POGZ: variants seen among roughly 807,000 people sequenced by gnomAD.
The protein encoded by POGZ is pogo transposable element derived with ZNF domain.
Under a neutral mutation model 134.6 loss-of-function variants are expected in POGZ, and 17 were observed. That is an observed-to-expected ratio of 0.13 (90% CI 0.09 to 0.19). The LOEUF (loss-of-function observed/expected upper bound fraction) is 0.19. POGZ is among the 10% of genes least tolerant of loss of function. The probability of loss-of-function intolerance (pLI) is 1.00; values close to 1 mark genes in which losing one functional copy is unlikely to be tolerated. For missense variants in POGZ, 1,306 were observed against 1,769.7 expected, an observed-to-expected ratio of 0.74 and a Z score of 4.70; for synonymous variants, 693 against 657.1, an observed-to-expected ratio of 1.05 and a Z score of -0.84.
intron 10 of POGZ, among the ~76,000 whole-genome samples, chr1:151,412,916 G>A (rs1463888829): frequency 6.6e-6 from 1 of 151,944 alleles, no homozygotes; most frequent in Admixed American, 6.6e-5. Flanking sequence ...TGTCCATTTT[G>A]TCAAGCTTAT....
intron 8 of POGZ, among the ~76,000 whole-genome samples, chr1:151,424,748 G>T (rs772584115): frequency 6.6e-6 from 1 of 152,176 alleles, no homozygotes; most frequent in Non-Finnish European, 1.5e-5. Context: ...AAGAAAGTAA[G>T]ATCACATATG....
chr1:151,423,286 C>A, intron 10 of POGZ, 111 bp downstream of exon 10: 1 of 893,618 alleles, frequency 1.1e-6, no homozygotes, highest in East Asian at 2.5e-5. Flanking sequence ...AAAAGTACTT[C>A]CTCTACACTG....
intron 10 of POGZ, among the ~76,000 whole-genome samples, chr1:151,419,431 C>T (rs1156570334): frequency 4.6e-5 from 7 of 151,356 alleles, no homozygotes; most frequent in African/African-American, 7.3e-5. Context: ...GTGGATTGCT[C>T]GAGCTCAATA....
At chr1:151,423,607 A>G in intron 9 of POGZ, 56 bp from the exon 10 acceptor site, 5 of 1,390,280 alleles carry the variant, frequency 3.6e-6, no homozygotes, top group Admixed American at 2.0e-5. Flanking sequence ...GTAGCCTTTT[A>G]GAAATATAAT....
chr1:151,404,950 T>G lies in POGZ; in HGVS notation c.4085A>C (p.Glu1362Ala). ...SLEEQLKLSGEHSESSTPRPR... is the reference protein window; with the variant it reads ...SLEEQLKLSGAHSESSTPRPR... ...TCGTGGAGTGGAAGACTCAGAATGT[T>G]CCCCACTCAGCTTCAGTTGCTCCTC... The change falls in exon 19 of 19, where the codon GAA (glutamate) becomes GCA (alanine). Residue 1362 changes from glutamate to alanine, a missense_variant. Physicochemically the swap from Glu to Ala is moderately radical, Grantham distance 107 (BLOSUM62 -1). Around this residue, in one of 10 missense-constraint regions of POGZ, gnomAD observed 107 missense variants for 97.9 expected, o/e 1.09. Transcript: ENST00000271715. 1.2e-6 allele frequency: 2 copies of G among 1,614,178 alleles called. No homozygotes were observed. Among genetic ancestry groups the G allele is most frequent in the Non-Finnish European group, 1.7e-6 (2 of 1,180,034 alleles).
Position 151,423,932 on chromosome 1 carries a change from G to C in POGZ, c.1523+17C>G. On this transcript the variant is annotated intron_variant, in intron 9 of 18. Transcript: ENST00000271715. ...TTCTCTTGTTCAAGGTAACTTCCAA[G>C]GCTCTTAAACACTTACCGAATATTG... is the stretch of plus-strand genomic sequence containing the variant. 1 of 1,579,948 alleles carries C rather than the reference G, an allele frequency of 6.3e-7. No homozygotes were observed. The highest frequency in any genetic ancestry group is 1.1e-5 in the South Asian group (1 of 88,698).
Position 151,403,849 on chromosome 1 carries a change from A to C in POGZ, c.*953T>G. 1.0e-6 allele frequency: 1 copy of C among 985,508 alleles called. No homozygotes were observed. The highest frequency in any genetic ancestry group is 1.2e-6 in the Non-Finnish European group (1 of 829,940). 61.0% of individuals were successfully genotyped at this position (985,508 alleles called of 1,614,324 possible). On this transcript the variant is annotated 3_prime_UTR_variant, in exon 19 of 19. Transcript: ENST00000271715. The stretch of plus-strand genomic sequence containing the variant: ...CATCTAACAGGATGAAGTTCAGTAA[A>C]GCAGGGACTGCCCCTGGGGGCTTAC...
intron 9 of POGZ, 124 bp from the exon 10 acceptor site, chr1:151,423,675 G>T (rs2102271636): frequency 1.3e-6 from 1 of 783,850 alleles, no homozygotes; most frequent in Non-Finnish European, 2.0e-6. Flanking sequence ...CTTCCTGTTT[G>T]GGATATCCTT....
At chr1:151,427,451 C>T in intron 7 of POGZ, 1 of 237,690 alleles carries the variant, frequency 4.2e-6, no homozygotes. Context: ...CATTTGCCGA[C>T]CCCTGCTCTA....
At position 151,405,997 on chromosome 1, in the gene POGZ, G is replaced by C. The variant is rs1427944938; in HGVS notation, c.3038C>G (p.Ser1013Cys). 1 of 1,614,238 alleles carries C rather than the reference G, an allele frequency of 6.2e-7. No individual in the cohort carries two copies. The highest frequency in any genetic ancestry group is 2.2e-5 in the East Asian group (1 of 44,892). ...TTTGCCCTCTAGATTCTCCCCCTGGGAGGCCTGGAAACGTCGAAGCCAACG... is the reference window on the plus strand; with the variant it reads ...TTTGCCCTCTAGATTCTCCCCCTGGCAGGCCTGGAAACGTCGAAGCCAACG... ...IRRWLRRFQASQGENLEGKYL... is the reference protein window; with the variant it reads ...IRRWLRRFQACQGENLEGKYL... The change falls in exon 19 of 19, where the codon TCC becomes TGC. Residue 1013 changes from serine to cysteine, a missense_variant. Ser to Cys is a moderately radical substitution (Grantham distance 112). This residue lies in a region of POGZ where 214 missense variants were observed against 255.5 expected (regional missense o/e 0.84). Transcript: ENST00000271715. The surrounding 1 kb of genome is among the most constrained non-coding windows in gnomAD (Gnocchi z 4.9).
intron 3 of POGZ, among the ~76,000 whole-genome samples, chr1:151,440,010 AG>A (rs1242073866): frequency 1.3e-5 from 2 of 152,190 alleles, no homozygotes; most frequent in Non-Finnish European, 2.9e-5. Context: ...TTCACTATTA[AG>A]GGGAAAAGGC....
At position 151,404,973 on chromosome 1, in the gene POGZ, C is replaced by G. The variant is rs764083886; in HGVS notation, c.4062G>C (p.Glu1354Asp). ...DMQEELIASL[E>D]EQLKLSGEHS... is the part of the protein sequence containing the mutation. ...GTTCCCCACTCAGCTTCAGTTGCTC[C>G]TCTAGGGAGGCAATTAGCTCCTCCT... Residue 1354 changes from glutamate (E) to aspartate (D), a missense_variant, in exon 19 of 19, where the codon GAG becomes GAC. Glu to Asp is a conservative substitution (Grantham distance 45). Coordinates refer to ENST00000271715, the MANE Select transcript of POGZ (RefSeq NM_015100.4). 5.0e-6 allele frequency: 8 copies of G among 1,614,222 alleles called. No homozygotes were observed. The South Asian group carries it at 7.7e-5, about 16-fold the overall frequency.
chr1:151,430,883 CAAT>C, intron 3 of POGZ, 42 bp from the exon 4 acceptor site: 5 of 1,329,366 alleles, frequency 3.8e-6, no homozygotes, highest in Non-Finnish European at 4.1e-6. Context: ...ATGTTAGAAA[CAAT>C]GTTAAACCCA....
At chr1:151,437,651 G>GT (rs562045129) in intron 3 of POGZ, among the ~76,000 whole-genome samples, 39 of 151,914 alleles carry the variant, frequency 2.6e-4, no homozygotes, top group Non-Finnish European at 5.2e-4. Flanking sequence ...ACTGGGGTGG[G>GT]TGAGGCATGA....
In POGZ at chr1:151,431,996, C is replaced by T. The variant is rs78666020; in HGVS notation, c.284-1155G>A. On this transcript the variant is annotated intron_variant, in intron 3 of 18. Coordinates refer to ENST00000271715, the MANE Select transcript of POGZ (RefSeq NM_015100.4). ...CCAGCCTGGCCAACACAGCAAAACGCTGTCTCCACTAAAAATACAACAATT... is the reference window on the plus strand; with the variant it reads ...CCAGCCTGGCCAACACAGCAAAACGTTGTCTCCACTAAAAATACAACAATT... Among the ~76,000 whole-genome samples the T allele has an allele frequency of 9.8e-3, 1,497 of 152,046 alleles. 28 individuals are homozygous for T. The highest frequency in any genetic ancestry group is 0.035 in the African/African-American group (1,440 of 41,470).
intron 10 of POGZ, among the ~76,000 whole-genome samples, chr1:151,418,633 A>G (rs1247774378): frequency 6.6e-6 from 1 of 152,218 alleles, no homozygotes; most frequent in Non-Finnish European, 1.5e-5. Flanking sequence ...TTCCAAGTAC[A>G]CTGATTTAAT....
At position 151,441,009 on chromosome 1, in the gene POGZ, A is replaced by C; in HGVS notation, c.202T>G (p.Ser68Ala). 6.2e-7 allele frequency: 1 copy of C among 1,613,734 alleles called. No homozygotes were observed. Among genetic ancestry groups the C allele is most frequent in the Non-Finnish European group, 8.5e-7 (1 of 1,179,792 alleles). The change falls in exon 3 of 19, where the codon TCC becomes GCC. Residue 68 changes from serine to alanine, a missense_variant. Around this residue, in one of 10 missense-constraint regions of POGZ, gnomAD observed 541 missense variants for 680.5 expected, o/e 0.80. Coordinates refer to ENST00000271715, the MANE Select transcript of POGZ (RefSeq NM_015100.4). Reference sequence around the variant, plus strand: ...GCCCCGCTGCTACTAACGGTGGTGGATGTAGAGAGGTGCCCAGCAACAGAA... The same window carrying C: ...GCCCCGCTGCTACTAACGGTGGTGGCTGTAGAGAGGTGCCCAGCAACAGAA... ...HASVAGHLST[S>A]TTVSSSGAQN...
chr1:151,447,653 T>A (rs549652366), intron 1 of POGZ, among the ~76,000 whole-genome samples: 5 of 142,682 alleles, frequency 3.5e-5, no homozygotes, highest in African/African-American at 1.3e-4. Context: ...TTTTTTTTTT[T>A]TTTTTTTTTT....
In POGZ at chr1:151,459,346, C is replaced by G. The variant is rs895337933; in HGVS notation, c.-196G>C. Reference sequence around the variant, plus strand: ...AAGCCTCCCTCGGGTTCGAGTGATTCGGGGTGGATTTTTTTCCCGAGGGGG... The same window carrying G: ...AAGCCTCCCTCGGGTTCGAGTGATTGGGGGTGGATTTTTTTCCCGAGGGGG... On this transcript the variant is annotated 5_prime_UTR_variant, in exon 1 of 19. Coordinates refer to ENST00000271715, the MANE Select transcript of POGZ (RefSeq NM_015100.4). 5 of 111,092 alleles carry G rather than the reference C, an allele frequency of 4.5e-5. No individual in the cohort carries two copies. The highest frequency in any genetic ancestry group is 8.6e-5 in the Non-Finnish European group (5 of 58,424). 6.9% of individuals were successfully genotyped at this position (111,092 alleles called of 1,614,324 possible). A position where few individuals can be genotyped will look rare whatever the true frequency, so the allele number is the denominator to read the frequency against.
Sources: gnomAD v4.1 joint callset for allele counts (sites outside exome capture counted in the v4.1 genomes callset) on GRCh38, gnomAD v4.1.1 for gene constraint, gnomAD v4.1.1 regional missense constraint, Gnocchi (gnomAD v3.1) non-coding constraint, MANE v1.5 for transcripts, NCBI Gene and HGNC (gene_info 2026-07-23, HGNC 2026-07-21) for gene names.